OPA3: variants seen among roughly 807,000 people sequenced by gnomAD.
The protein encoded by OPA3 is optic atrophy 3 protein.
In OPA3, 6 loss-of-function variants were observed where a neutral mutation model predicts 4.0. That is an observed-to-expected ratio of 1.51 (90% confidence interval 0.83 to 2.99). The LOEUF is 2.99. OPA3 is among the 30% of genes most tolerant of loss of function. OPA3 has a pLI of 0.00. For missense variants in OPA3, 235 were observed against 256.2 expected (o/e 0.92, Z 0.56); for synonymous variants, 105 against 117.1 (o/e 0.90, Z 0.67).
chr19:45,580,126 AGCTGGGATTACAG>A (rs1193173997), intron 1 of OPA3, among the ~76,000 whole-genome samples: 1 of 150,488 alleles, frequency 6.6e-6, no homozygotes, highest in Non-Finnish European at 1.5e-5. Flanking sequence ...CCTCCCGAGT[AGCTGGGATTACAG>A]GCGCGTGCCA....
intron 1 of OPA3, among the ~76,000 whole-genome samples, chr19:45,563,592 G>C (rs1290064954): frequency 6.6e-6 from 1 of 152,082 alleles, no homozygotes; most frequent in African/African-American, 2.4e-5. Context: ...GTTTCACTCT[G>C]TCACCCAGAC....
At chr19:45,557,435 A>C (rs1313385380) in intron 1 of OPA3, among the ~76,000 whole-genome samples, 1 of 152,074 alleles carries the variant, frequency 6.6e-6, no homozygotes, top group African/African-American at 2.4e-5. Context: ...GGGCCGGGAC[A>C]GGCTAAGCTG....
intron 1 of OPA3, among the ~76,000 whole-genome samples, chr19:45,540,660 G>C (rs1347332306): frequency 6.6e-6 from 1 of 151,830 alleles, no homozygotes; most frequent in Admixed American, 6.6e-5. Context: ...GAAGTCAGGT[G>C]GGCGTGGTGA....
intron 1 of OPA3, among the ~76,000 whole-genome samples, chr19:45,566,495 G>A (rs912294077): frequency 3.4e-4 from 50 of 147,812 alleles, no homozygotes; most frequent in African/African-American, 1.1e-3. Flanking sequence ...TTTTTGAGAC[G>A]GAGTCTCGCT....
At chr19:45,572,094 G>GGT (rs1157696284) in intron 1 of OPA3, among the ~76,000 whole-genome samples, 3 of 120,204 alleles carry the variant, frequency 2.5e-5, no homozygotes, top group Non-Finnish European at 3.9e-5. Context: ...TTTTTCATGT[G>GGT]GTGTATATAT....
intron 1 of OPA3, among the ~76,000 whole-genome samples, chr19:45,583,201 A>C (rs1969881779): frequency 6.6e-6 from 1 of 151,412 alleles, no homozygotes; most frequent in Non-Finnish European, 1.5e-5. Flanking sequence ...CCCAGGCTGG[A>C]GTACAGTGTT....
intron 1 of OPA3, among the ~76,000 whole-genome samples, chr19:45,532,090 G>A (rs564522470): frequency 6.6e-6 from 1 of 152,312 alleles, no homozygotes; most frequent in East Asian, 1.9e-4. Context: ...TTAACCTCTG[G>A]AGGGGCTAGA....
chr19:45,548,909 T>G lies in OPA3; in HGVS notation c.*4605A>C, dbSNP rs1414616832. 10 of 340,812 alleles carry G rather than the reference T, an allele frequency of 2.9e-5. No homozygotes were observed. The highest frequency in any genetic ancestry group is 3.7e-5 in the Non-Finnish European group (9 of 241,354). 21.1% of individuals were successfully genotyped at this position (340,812 alleles called of 1,614,324 possible). On this transcript the variant is annotated 3_prime_UTR_variant, in exon 2 of 2. Transcript: ENST00000263275. ...ACCTCCGCCTCCCGGGTCCAAGAGATTCTCCTGCCTCAGCCTCCCGAGTAG... is the reference window on the plus strand; with the variant it reads ...ACCTCCGCCTCCCGGGTCCAAGAGAGTCTCCTGCCTCAGCCTCCCGAGTAG...
chr19:45,530,859 T>G (rs575589341), intron 1 of OPA3, among the ~76,000 whole-genome samples: 16 of 150,318 alleles, frequency 1.1e-4, no homozygotes, highest in African/African-American at 3.7e-4. Context: ...CCTCCCAGAT[T>G]CAAGCCATTC....
intron 1 of OPA3, among the ~76,000 whole-genome samples, chr19:45,537,999 C>T (rs1012375154): frequency 7.9e-6 from 1 of 125,906 alleles, no homozygotes; most frequent in Non-Finnish European, 1.7e-5. Flanking sequence ...GAGGCTGAGG[C>T]GGGAGGACTG....
At chr19:45,579,871 T>C (rs941719159) in intron 1 of OPA3, among the ~76,000 whole-genome samples, 43 of 151,896 alleles carry the variant, frequency 2.8e-4, no homozygotes, top group African/African-American at 1.0e-3. Context: ...CATTACATAA[T>C]ACCCAATGTA....
chr19:45,544,914 C>T (rs1403382085), downstream of OPA3, among the ~76,000 whole-genome samples: 5 of 149,922 alleles, frequency 3.3e-5, no homozygotes, highest in South Asian at 2.1e-4. Flanking sequence ...AGCCAGGAGG[C>T]GGAGGTTGTG....
exon 2 of OPA3, chr19:45,528,892 AG>A (rs1265998928): frequency 1.3e-6 from 1 of 765,740 alleles, no homozygotes; most frequent in African/African-American, 1.8e-5. Flanking sequence ...GCAGGTTAGT[AG>A]GGAGGTTCGA....
intron 1 of OPA3, among the ~76,000 whole-genome samples, chr19:45,572,746 GATAT>G (rs1969702677): frequency 1.6e-5 from 2 of 128,090 alleles, no homozygotes; most frequent in East Asian, 4.3e-4. Context: ...TATATATATA[GATAT>G]ATATCTCGAT....
intron 1 of OPA3, among the ~76,000 whole-genome samples, chr19:45,537,925 A>G (rs1291669357): frequency 1.3e-5 from 2 of 151,972 alleles, no homozygotes; most frequent in Non-Finnish European, 2.9e-5. Context: ...ATTTCATAAT[A>G]TATATGTTTT....
chr19:45,574,396 C>CAA lies in OPA3; in HGVS notation c.142+10225_142+10226dup, dbSNP rs779877314. Among the ~76,000 whole-genome samples the CAA allele has an allele frequency of 2.9e-3, 211 of 72,136 alleles. 2 individuals carry two copies. Among genetic ancestry groups the CAA allele is most frequent in the Middle Eastern group, 7.0e-3 (1 of 142 alleles). 47.3% of individuals were successfully genotyped at this position (72,136 alleles called of 152,430 possible). On this transcript the variant is annotated intron_variant, in intron 1 of 1. Transcript: ENST00000263275. ...TGGGCGACAGAGCAAGACTCTGTCT[C>CAA]AAAAAAAAAAAAAAAAAAGAAAAAA...
chr19:45,539,968 G>C (rs1192573092), intron 1 of OPA3, among the ~76,000 whole-genome samples: 1 of 152,128 alleles, frequency 6.6e-6, no homozygotes, highest in Non-Finnish European at 1.5e-5. Context: ...TTGGAATGTG[G>C]AGATGGTTGC....
intron 1 of OPA3, among the ~76,000 whole-genome samples, chr19:45,538,584 G>A (rs544557267): frequency 6.6e-6 from 1 of 152,278 alleles, no homozygotes; most frequent in South Asian, 2.1e-4. Flanking sequence ...TTAGCCAGGT[G>A]TGGTGGCGTG....
In OPA3 at chr19:45,546,536, C is replaced by T. The variant is rs1267903208; in HGVS notation, c.*6978G>A. The T allele has an allele frequency of 4.9e-6, 2 of 409,188 alleles. No individual in the cohort carries two copies. Among genetic ancestry groups the T allele is most frequent in the South Asian group, 1.1e-4 (1 of 9,502 alleles). The allele number at this position is 409,188 out of a possible 1,614,324, so 25.3% of individuals were successfully genotyped here. A position where few individuals can be genotyped will look rare whatever the true frequency, so the allele number is the denominator to read the frequency against. On this transcript the variant is annotated 3_prime_UTR_variant, in exon 2 of 2. Transcript: ENST00000263275. ...TTTGAGACAGGGTCTCACTTTGTCT[C>T]CCAGGTTGAGGTGCTGTGGCCTGAT...
Sources: gnomAD v4.1 joint callset for allele counts (sites outside exome capture counted in the v4.1 genomes callset) on GRCh38, gnomAD v4.1.1 for gene constraint, MANE v1.5 for transcripts, NCBI Gene and HGNC (gene_info 2026-07-23, HGNC 2026-07-21) for gene names.